RMST: variants seen among roughly 807,000 people sequenced by gnomAD.
The protein encoded by RMST is rhabdomyosarcoma 2 associated transcript.
chr12:97,560,707 TTCATTTCATCTG>T (rs1884051282), intron 12 of RMST: 1 of 152,182 alleles, frequency 6.6e-6, no homozygotes, highest in Non-Finnish European at 1.5e-5. Context: ...AGGTAAACAG[TTCATTTCATCTG>T]TCAGTGGCAT....
chr12:97,510,094 C>G lies in RMST; in HGVS notation n.1340+14038C>G, dbSNP rs142732997. On this transcript the variant is annotated intron_variant and non_coding_transcript_variant, in intron 10 of 13. Coordinates refer to ENST00000640149, the Ensembl canonical transcript of RMST. Reference sequence around the variant, plus strand: ...ATATACATGTACACTCATTTATACTCTGAGATTTATAAGAGAGGAAGCATT... The same window carrying G: ...ATATACATGTACACTCATTTATACTGTGAGATTTATAAGAGAGGAAGCATT... 4.6e-3 allele frequency among the ~76,000 whole-genome samples: 693 copies of G among 152,158 alleles called. 3 individuals are homozygous for G. The highest frequency in any genetic ancestry group is 0.017 in the South Asian group (82 of 4,814).
At chr12:97,510,190 G>A (rs996370605) in intron 10 of RMST, among the ~76,000 whole-genome samples, 1 of 152,126 alleles carries the variant, frequency 6.6e-6, no homozygotes, top group Non-Finnish European at 1.5e-5. Context: ...GGTTTGTTCT[G>A]TGACCTTAGA....
At chr12:97,509,915 C>T (rs891554771) in intron 10 of RMST, among the ~76,000 whole-genome samples, 4 of 152,096 alleles carry the variant, frequency 2.6e-5, no homozygotes, top group Non-Finnish European at 4.4e-5. Context: ...AAATTTTATG[C>T]TCATTTTTAT....
chr12:97,524,842 A>C (rs555101456), intron 10 of RMST, among the ~76,000 whole-genome samples: 98 of 152,358 alleles, frequency 6.4e-4, no homozygotes, highest in African/African-American at 2.2e-3. Context: ...TTGTTTAGAT[A>C]ATATTTGTAA....
chr12:97,497,512 C>T (rs1877565916), intron 10 of RMST, among the ~76,000 whole-genome samples: 1 of 152,150 alleles, frequency 6.6e-6, no homozygotes, highest in African/African-American at 2.4e-5. Flanking sequence ...CAAAATAATT[C>T]AGACACTGAC....
At chr12:97,512,270 T>C (rs11109080) in intron 10 of RMST, among the ~76,000 whole-genome samples, 27,590 of 152,132 alleles carry the variant, frequency 0.18, 4,885 homozygotes, top group African/African-American at 0.45. Flanking sequence ...CAGACCTTTG[T>C]GGTGTTACAG....
At chr12:97,546,980 C>A (rs1882980820) in intron 11 of RMST, among the ~76,000 whole-genome samples, 1 of 151,918 alleles carries the variant, frequency 6.6e-6, no homozygotes, top group Non-Finnish European at 1.5e-5. Flanking sequence ...CTGGTAACCA[C>A]CATTTTTCTC....
At chr12:97,468,396 C>T (rs1170601997) in intron 5 of RMST, among the ~76,000 whole-genome samples, 2 of 152,018 alleles carry the variant, frequency 1.3e-5, no homozygotes, top group Non-Finnish European at 2.9e-5. Flanking sequence ...TCTAAAGTTG[C>T]TAGACTTTAT....
intron 11 of RMST, among the ~76,000 whole-genome samples, chr12:97,543,476 G>A (rs373493055): frequency 9.2e-5 from 14 of 151,988 alleles, no homozygotes; most frequent in Middle Eastern, 6.8e-3. Context: ...CATAATGAGC[G>A]CTCTATATAT....
intron 11 of RMST, among the ~76,000 whole-genome samples, chr12:97,545,318 C>T (rs900856862): frequency 6.6e-6 from 1 of 151,918 alleles, no homozygotes; most frequent in Non-Finnish European, 1.5e-5. Flanking sequence ...TTCCACAGTC[C>T]GCAGTGGTTG....
At chr12:97,474,101 C>G (rs893026971) in intron 5 of RMST, among the ~76,000 whole-genome samples, 11 of 151,994 alleles carry the variant, frequency 7.2e-5, no homozygotes, top group Non-Finnish European at 1.6e-4. Flanking sequence ...AAGACAGATA[C>G]CCTTTTATTG....
intron 5 of RMST, chr12:97,491,931 G>A (rs780390275): frequency 1.3e-5 from 7 of 533,388 alleles, no homozygotes; most frequent in East Asian, 5.5e-5. Context: ...TGCCAAAGGC[G>A]CTTCTCCTTC....
chr12:97,559,930 ATTAAAG>A (rs1236734485), intron 11 of RMST, among the ~76,000 whole-genome samples: 2 of 152,216 alleles, frequency 1.3e-5, no homozygotes, highest in East Asian at 1.9e-4. Flanking sequence ...CCTTAATTTT[ATTAAAG>A]TTAAATTCAT....
chr12:97,477,000 C>G (rs1166574310), intron 5 of RMST, among the ~76,000 whole-genome samples: 1 of 151,962 alleles, frequency 6.6e-6, no homozygotes, highest in African/African-American at 2.4e-5. Flanking sequence ...AATTCTAGAG[C>G]CAGGCATTAC....
intron 13 of RMST, chr12:97,561,048 G>A (rs1884065911): frequency 6.6e-6 from 1 of 152,284 alleles, no homozygotes; most frequent in African/African-American, 2.4e-5. Flanking sequence ...GCTTCATGAG[G>A]TGAATATCTT....
At chr12:97,497,748 G>A (rs1165069456) in intron 10 of RMST, among the ~76,000 whole-genome samples, 1 of 150,578 alleles carries the variant, frequency 6.6e-6, no homozygotes, top group Non-Finnish European at 1.5e-5. Context: ...AATGTGTTTT[G>A]TTTTTTAATC....
intron 5 of RMST, among the ~76,000 whole-genome samples, chr12:97,473,150 A>G (rs1192867788): frequency 6.6e-6 from 1 of 152,138 alleles, no homozygotes; most frequent in Non-Finnish European, 1.5e-5. Context: ...CTCAGAATAT[A>G]GGTTCAGATT....
chr12:97,543,279 C>T (rs752194339), intron 11 of RMST, among the ~76,000 whole-genome samples: 7 of 151,982 alleles, frequency 4.6e-5, no homozygotes, highest in Non-Finnish European at 7.4e-5. Flanking sequence ...TTGTCAAAAA[C>T]AGTCGAATGT....
At chr12:97,498,602 A>T (rs1202558759) in intron 10 of RMST, among the ~76,000 whole-genome samples, 2 of 5,250 alleles carry the variant, frequency 3.8e-4, no homozygotes, top group Admixed American at 1.3e-3. Flanking sequence ...ATTATGATTA[A>T]AAAAAATGTT....
Sources: allele counts gnomAD v4.1 joint callset (sites outside exome capture counted in the v4.1 genomes callset), GRCh38; gene constraint gnomAD v4.1.1; transcripts MANE v1.5; gene names NCBI Gene and HGNC (gene_info 2026-07-23, HGNC 2026-07-21).